The following NIPBL variants were observed in gnomAD, a reference collection of about 807,000 sequenced individuals.
NIPBL encodes nipped-B-like protein.
NIPBL carries 19 observed loss-of-function variants against 321.8 expected under a neutral mutation model. The observed-to-expected ratio is 0.06, with a 90% CI of 0.04 to 0.09. The LOEUF is 0.09. Ranked by LOEUF, NIPBL falls within the 10% of genes least tolerant of loss-of-function variation. The pLI is 1.00. For missense variants in NIPBL, 2,210 were observed against 3,327.0 expected (o/e 0.66, Z 8.26); for synonymous variants, 1,106 against 1,114.1 (o/e 0.99, Z 0.14).
chr5:36,895,291 GATC>G (rs1236256199), intron 1 of NIPBL, among the ~76,000 whole-genome samples: 2 of 152,160 alleles, frequency 1.3e-5, no homozygotes, highest in African/African-American at 4.8e-5. Context: ...TTGCAGCATG[GATC>G]AGTACTTCAT....
At chr5:36,905,674 A>G (rs922927126) in intron 1 of NIPBL, among the ~76,000 whole-genome samples, 1 of 152,152 alleles carries the variant, frequency 6.6e-6, no homozygotes, top group Non-Finnish European at 1.5e-5. Flanking sequence ...GATGTTAGGT[A>G]GGCGCAATAT....
intron 1 of NIPBL, chr5:36,885,152 A>G (rs1745795750): frequency 4.2e-6 from 2 of 470,684 alleles, no homozygotes; most frequent in South Asian, 3.4e-5. Flanking sequence ...AAAAAATGCT[A>G]TTCAGGGTCA....
chr5:36,891,263 CAAAAAACA>C (rs907883914), intron 1 of NIPBL, among the ~76,000 whole-genome samples: 9 of 151,344 alleles, frequency 5.9e-5, no homozygotes, highest in African/African-American at 2.2e-4. Flanking sequence ...GACTCCATCT[CAAAAAACA>C]AAAAAAGAAA....
At chr5:36,998,875 ATCAC>A (rs970950973) in intron 11 of NIPBL, among the ~76,000 whole-genome samples, 17 of 152,212 alleles carry the variant, frequency 1.1e-4, no homozygotes, top group African/African-American at 4.1e-4. Flanking sequence ...GAACAGTCCT[ATCAC>A]TCTTCACATA....
chr5:37,046,316 T>A (rs927639611), intron 38 of NIPBL, 117 bp downstream of exon 38: 18 of 690,968 alleles, frequency 2.6e-5, no homozygotes, highest in Non-Finnish European at 4.4e-5. Context: ...CAGTAGGATT[T>A]GGTGTATAGA....
chr5:36,948,356 C>T (rs1739916506), intron 1 of NIPBL, among the ~76,000 whole-genome samples: 1 of 151,768 alleles, frequency 6.6e-6, no homozygotes. Context: ...TGTTATGTAA[C>T]CTGATACAGC....
intron 1 of NIPBL, among the ~76,000 whole-genome samples, chr5:36,928,664 T>C (rs969303802): frequency 5.9e-5 from 9 of 152,170 alleles, no homozygotes; most frequent in Non-Finnish European, 1.5e-5. Context: ...CTCAAGCCTA[T>C]TTGCAGTGAG....
At chr5:36,916,822 AC>A (rs1201782863) in intron 1 of NIPBL, among the ~76,000 whole-genome samples, 1 of 152,150 alleles carries the variant, frequency 6.6e-6, no homozygotes, top group Non-Finnish European at 1.5e-5. Flanking sequence ...CCTACAAAGG[AC>A]ATGAACTCAT....
At chr5:36,984,397 A>G (rs560074294) in intron 9 of NIPBL, among the ~76,000 whole-genome samples, 11 of 152,208 alleles carry the variant, frequency 7.2e-5, no homozygotes, top group African/African-American at 2.2e-4. Context: ...TATAAGTTCT[A>G]TTCATTTTAT....
In NIPBL at chr5:36,976,084, A is replaced by C; in HGVS notation, c.1177A>C (p.Asn393His). ...SNVSENDIPFNVQYPGQTSKT... is the reference protein window; with the variant it reads ...SNVSENDIPFHVQYPGQTSKT... ...TGTTTCAGAAAATGATATTCCTTTTAATGTGCAGTACCCAGGACAGACTTC... is the reference window on the plus strand; with the variant it reads ...TGTTTCAGAAAATGATATTCCTTTTCATGTGCAGTACCCAGGACAGACTTC... The change falls in exon 9 of 47, where the codon AAT (asparagine) becomes CAT (histidine). Residue 393 changes from asparagine to histidine, a missense_variant. This residue lies in a region of NIPBL where 464 missense variants were observed against 529.5 expected (regional missense o/e 0.88). Transcript: ENST00000282516. 1 of 1,614,064 alleles carries C rather than the reference A, an allele frequency of 6.2e-7. No individual in the cohort carries two copies. Among genetic ancestry groups the C allele is most frequent in the Non-Finnish European group, 8.5e-7 (1 of 1,179,936 alleles).
chr5:36,897,548 C>T (rs1165254345), intron 1 of NIPBL, among the ~76,000 whole-genome samples: 2 of 152,106 alleles, frequency 1.3e-5, no homozygotes, highest in African/African-American at 4.8e-5. Context: ...CTCAATCCTG[C>T]TTTGTGACTT....
chr5:37,022,443 A>G (rs1749753404), intron 29 of NIPBL, 53 bp downstream of exon 29: 4 of 1,512,634 alleles, frequency 2.6e-6, no homozygotes, highest in South Asian at 1.2e-5. Flanking sequence ...CCTTTCAAGC[A>G]TCATGTTTTG....
At chr5:37,063,210 A>T (rs1047233548) in intron 45 of NIPBL, among the ~76,000 whole-genome samples, 8 of 152,206 alleles carry the variant, frequency 5.3e-5, no homozygotes, top group Non-Finnish European at 7.3e-5. Flanking sequence ...TCTACTTTAA[A>T]GCAAGTAGCT....
chr5:37,016,455 C>T (rs923039682), intron 23 of NIPBL, among the ~76,000 whole-genome samples: 6 of 151,334 alleles, frequency 4.0e-5, no homozygotes, highest in Admixed American at 3.9e-4. Flanking sequence ...AACACTGAGT[C>T]ATAAGTTACT....
intron 41 of NIPBL, among the ~76,000 whole-genome samples, chr5:37,052,163 G>C (rs900843639): frequency 6.6e-6 from 1 of 151,802 alleles, no homozygotes; most frequent in Non-Finnish European, 1.5e-5. Context: ...ACTCTCCTGG[G>C]CCTCATTTTT....
chr5:36,972,836 G>A (rs1175890751), intron 8 of NIPBL, among the ~76,000 whole-genome samples: 3 of 152,096 alleles, frequency 2.0e-5, no homozygotes, highest in Admixed American at 6.5e-5. Flanking sequence ...AATCTCTCAC[G>A]TCTACTTTTA....
At chr5:37,020,909 T>C (rs1749551368) in intron 27 of NIPBL, 32 bp downstream of exon 27, 1 of 1,422,868 alleles carries the variant, frequency 7.0e-7, no homozygotes, top group East Asian at 2.3e-5. Flanking sequence ...TATACAGTGA[T>C]ATTGATTTTT....
At chr5:36,928,663 A>G (rs1018512670) in intron 1 of NIPBL, among the ~76,000 whole-genome samples, 1 of 152,106 alleles carries the variant, frequency 6.6e-6, no homozygotes, top group Non-Finnish European at 1.5e-5. Flanking sequence ...CCTCAAGCCT[A>G]TTTGCAGTGA....
At chr5:36,941,587 T>C (rs1739070214) in intron 1 of NIPBL, among the ~76,000 whole-genome samples, 1 of 151,918 alleles carries the variant, frequency 6.6e-6, no homozygotes, top group Non-Finnish European at 1.5e-5. Context: ...TTCAGGTGTT[T>C]TTGCTGTTTG....
Sources: gnomAD v4.1 joint callset for allele counts (sites outside exome capture counted in the v4.1 genomes callset) on GRCh38, gnomAD v4.1.1 for gene constraint, gnomAD v4.1.1 regional missense constraint, MANE v1.5 for transcripts, NCBI Gene and HGNC (gene_info 2026-07-23, HGNC 2026-07-21) for gene names.